The following TMEM132C variants were observed in gnomAD, a reference collection of about 807,000 sequenced individuals.
The protein encoded by TMEM132C is transmembrane protein 132C.
In TMEM132C, 29 loss-of-function variants were observed where a neutral mutation model predicts 61.4. The ratio of observed to expected loss-of-function variants is 0.47; its 90% CI spans 0.35 to 0.64. TMEM132C has a LOEUF of 0.64. TMEM132C is among the 30% of genes least tolerant of loss of function. The pLI is 0.00. For missense variants in TMEM132C, 1,408 were observed against 1,476.9 expected (o/e 0.95, Z 0.76); for synonymous variants, 656 against 633.1 (o/e 1.04, Z -0.54).
chr12:128,334,823 C>T (rs1467624620), intron 1 of TMEM132C, among the ~76,000 whole-genome samples: 3 of 152,138 alleles, frequency 2.0e-5, no homozygotes, highest in African/African-American at 7.2e-5. Context: ...GTCTCGATCT[C>T]CTGACCTTGT....
intron 3 of TMEM132C, among the ~76,000 whole-genome samples, chr12:128,549,437 C>G (rs1008149513): frequency 5.3e-5 from 8 of 152,040 alleles, no homozygotes; most frequent in Non-Finnish European, 1.5e-5. Flanking sequence ...CTGCTTGGCT[C>G]GGAAAATATC....
chr12:128,693,988 C>G lies in TMEM132C; in HGVS notation c.1609C>G (p.Leu537Val), dbSNP rs191481498. The change falls in exon 6 of 9, where the codon CTC (leucine) becomes GTC (valine). Residue 537 changes from leucine (L) to valine (V), a missense_variant. Transcript: ENST00000435159. The stretch of plus-strand genomic sequence containing the variant: ...GCAGATCGAGGTCTCTGACACGGAG[C>G]TCAGCCAGATAAAGGGCTGGAGGGT... ...PLQIEVSDTE[L>V]SQIKGWRVPI... 6.4e-7 allele frequency: 1 copy of G among 1,551,740 alleles called. No homozygotes were observed. The highest frequency in any genetic ancestry group is 8.7e-7 in the Non-Finnish European group (1 of 1,147,006).
chr12:128,348,355 C>T (rs569225895), intron 1 of TMEM132C, among the ~76,000 whole-genome samples: 2 of 152,322 alleles, frequency 1.3e-5, no homozygotes, highest in East Asian at 3.9e-4. Context: ...TTCCTGAATA[C>T]AGATCATGCC....
chr12:128,469,275 T>C (rs1870850180), intron 2 of TMEM132C, among the ~76,000 whole-genome samples: 1 of 152,028 alleles, frequency 6.6e-6, no homozygotes, highest in African/African-American at 2.4e-5. Flanking sequence ...TTTTACTTTA[T>C]GACTCAGATC....
intron 1 of TMEM132C, among the ~76,000 whole-genome samples, chr12:128,325,545 T>C (rs1205530765): frequency 6.6e-6 from 1 of 152,218 alleles, no homozygotes. Flanking sequence ...TATATATGTA[T>C]ATACAGAGTG....
At chr12:128,581,730 C>T (rs56310500) in intron 3 of TMEM132C, among the ~76,000 whole-genome samples, 52,001 of 152,024 alleles carry the variant, frequency 0.34, 10,935 homozygotes, top group South Asian at 0.52. Context: ...TGGTTCAGGG[C>T]GATCTAAGCA....
chr12:128,513,733 G>GAAT (rs903067096), intron 2 of TMEM132C, among the ~76,000 whole-genome samples: 1 of 152,286 alleles, frequency 6.6e-6, no homozygotes. Flanking sequence ...TTTTACTGAA[G>GAAT]AATTGTCTAG....
At chr12:128,516,392 C>T (rs1329070848) in intron 2 of TMEM132C, among the ~76,000 whole-genome samples, 2 of 152,092 alleles carry the variant, frequency 1.3e-5, no homozygotes, top group East Asian at 1.9e-4. Flanking sequence ...TGTGATTCCA[C>T]GTCCGAGGCG....
intron 4 of TMEM132C, among the ~76,000 whole-genome samples, chr12:128,622,401 A>ATATATATATATATATAT (rs1565994613): frequency 1.5e-5 from 2 of 131,698 alleles, no homozygotes; most frequent in Middle Eastern, 3.4e-3. Flanking sequence ...ATATATATAT[A>ATATATATATATATATAT]ACCAGGAAAC....
rs553813894 is a variant in TMEM132C at position 128,501,277 on chromosome 12, A to G, written c.975-42680A>G. On this transcript the variant is annotated intron_variant, in intron 2 of 8. Transcript: ENST00000435159. Reference sequence around the variant, plus strand: ...ATCCTTAGGCCACTCGAGATAGTCAATCTAGAATGAAGGCTGGTGGTCAAT... The same window carrying G: ...ATCCTTAGGCCACTCGAGATAGTCAGTCTAGAATGAAGGCTGGTGGTCAAT... Among the ~76,000 whole-genome samples, 8 of 152,346 alleles carry G rather than the reference A, an allele frequency of 5.3e-5. No homozygotes were observed. In the East Asian group the frequency reaches 1.5e-3, roughly 29 times the overall value.
At chr12:128,382,216 C>G (rs1445242938) in intron 1 of TMEM132C, among the ~76,000 whole-genome samples, 1 of 152,180 alleles carries the variant, frequency 6.6e-6, no homozygotes, top group Admixed American at 6.5e-5. Context: ...TGTGTACATA[C>G]AGCTTTGTGC....
intron 1 of TMEM132C, among the ~76,000 whole-genome samples, chr12:128,367,875 T>TA (rs1441779271): frequency 6.6e-6 from 1 of 152,228 alleles, no homozygotes. Flanking sequence ...GTAATGTGGT[T>TA]ACTAGGAAAT....
In TMEM132C at chr12:128,343,191, C is replaced by T. The variant is rs551505542; in HGVS notation, c.86-71541C>T. Among the ~76,000 whole-genome samples the T allele has an allele frequency of 3.2e-3, 481 of 152,110 alleles. 3 individuals carry two copies. Among genetic ancestry groups the T allele is most frequent in the South Asian group, 0.011 (51 of 4,814 alleles). On this transcript the variant is annotated intron_variant, in intron 1 of 8. Transcript: ENST00000435159. The stretch of plus-strand genomic sequence containing the variant: ...CTGTAATCCCAGCACTTTGGGAGGC[C>T]GAGACGGGTGGATCACGAGGTCAAG...
chr12:128,340,164 C>T (rs984052308), intron 1 of TMEM132C, among the ~76,000 whole-genome samples: 6 of 152,140 alleles, frequency 3.9e-5, no homozygotes, highest in Admixed American at 1.3e-4. Context: ...GGGGATGTGC[C>T]GAAGGCCTTC....
intron 1 of TMEM132C, among the ~76,000 whole-genome samples, chr12:128,330,922 G>T (rs184008328): frequency 1.4e-4 from 22 of 152,290 alleles, no homozygotes; most frequent in Admixed American, 3.9e-4. Context: ...CTTAAAAAGA[G>T]AGAATAGCAT....
At chr12:128,596,262 T>C in intron 3 of TMEM132C, among the ~76,000 whole-genome samples, 1 of 149,156 alleles carries the variant, frequency 6.7e-6, no homozygotes, top group South Asian at 2.2e-4. Flanking sequence ...CCATGTTCTG[T>C]CCATCACACT....
At chr12:128,665,443 A>G (rs1178686259) in intron 4 of TMEM132C, among the ~76,000 whole-genome samples, 1 of 151,346 alleles carries the variant, frequency 6.6e-6, no homozygotes, top group Non-Finnish European at 1.5e-5. Flanking sequence ...ATGTAGCCAT[A>G]CACGTAGGCA....
intron 8 of TMEM132C, among the ~76,000 whole-genome samples, 197 bp from the exon 9 acceptor site, chr12:128,704,893 C>T (rs1415718034): frequency 6.6e-6 from 1 of 152,184 alleles, no homozygotes; most frequent in Non-Finnish European, 1.5e-5. Flanking sequence ...TAGTCACATC[C>T]CCATTTGTTC....
chr12:128,607,252 C>T (rs777830267), intron 3 of TMEM132C, among the ~76,000 whole-genome samples: 1 of 152,036 alleles, frequency 6.6e-6, no homozygotes, highest in Non-Finnish European at 1.5e-5. Flanking sequence ...GCCAGTGGGG[C>T]TGGAGGAGAA....
Sources: gnomAD v4.1 joint callset for allele counts (sites outside exome capture counted in the v4.1 genomes callset) on GRCh38, gnomAD v4.1.1 for gene constraint, MANE v1.5 for transcripts, NCBI Gene and HGNC (gene_info 2026-07-23, HGNC 2026-07-21) for gene names.